SGPL1: variants seen among roughly 807,000 people sequenced by gnomAD.
SGPL1 encodes the protein sphingosine-1-phosphate lyase 1, also known as SP-lyase 1.
Under a neutral mutation model 68.9 loss-of-function variants are expected in SGPL1, and 37 were observed. The observed-to-expected ratio is 0.54, with a 90% CI of 0.41 to 0.71. The LOEUF (loss-of-function observed/expected upper bound fraction) is 0.71. SGPL1 is among the 30% of genes least tolerant of loss of function. SGPL1 has a pLI of 0.00. For synonymous variants in SGPL1, 236 were observed against 248.5 expected, an observed-to-expected ratio of 0.95 and a Z score of 0.47; for missense variants, 551 against 704.6, an observed-to-expected ratio of 0.78 and a Z score of 2.47.
intron 2 of SGPL1, among the ~76,000 whole-genome samples, chr10:70,824,890 AAC>A (rs1433013889): frequency 6.6e-6 from 1 of 152,130 alleles, no homozygotes; most frequent in Non-Finnish European, 1.5e-5. Flanking sequence ...AAGAGTCTAA[AAC>A]ACAATACATT....
intron 2 of SGPL1, among the ~76,000 whole-genome samples, chr10:70,834,446 A>G (rs1187689545): frequency 6.6e-6 from 1 of 152,172 alleles, no homozygotes; most frequent in African/African-American, 2.4e-5. Flanking sequence ...ATGAGATTGG[A>G]CTATAGGTGG....
At position 70,863,141 on chromosome 10, in the gene SGPL1, C is replaced by G. The variant is rs545059332; in HGVS notation, c.615+3642C>G. Among the ~76,000 whole-genome samples, 245 of 152,174 alleles carry G rather than the reference C, an allele frequency of 1.6e-3. No homozygotes were observed. The Middle Eastern group carries it at 0.027, about 17-fold the overall frequency. ...AGCTGGGACTACAGGCATGCACCAC[C>G]ATGCCTCGCTAATTTTTGTATTTTT... On this transcript the variant is annotated intron_variant, in intron 7 of 14. Coordinates refer to ENST00000373202, the MANE Select transcript of SGPL1 (RefSeq NM_003901.4).
chr10:70,821,821 T>C (rs751151630), intron 2 of SGPL1, among the ~76,000 whole-genome samples: 9 of 152,202 alleles, frequency 5.9e-5, no homozygotes, highest in East Asian at 3.9e-4. Flanking sequence ...GTGTCTGTTA[T>C]TGTCTCACTT....
At chr10:70,857,250 T>C (rs2131908443) in intron 5 of SGPL1, 1 of 223,856 alleles carries the variant, frequency 4.5e-6, no homozygotes, top group Middle Eastern at 2.0e-3. Context: ...AAGGAAGCTA[T>C]TGCAGAAAAA....
intron 2 of SGPL1, among the ~76,000 whole-genome samples, chr10:70,825,558 G>A (rs1845418418): frequency 6.6e-6 from 1 of 152,220 alleles, no homozygotes; most frequent in African/African-American, 2.4e-5. Flanking sequence ...TAACAGGATA[G>A]ATTCAGAGGC....
intron 2 of SGPL1, among the ~76,000 whole-genome samples, chr10:70,842,237 A>G (rs1388878988): frequency 6.6e-6 from 1 of 152,180 alleles, no homozygotes; most frequent in African/African-American, 2.4e-5. Flanking sequence ...ATCCTTGAAC[A>G]TGTTTATTTG....
intron 2 of SGPL1, among the ~76,000 whole-genome samples, chr10:70,841,958 G>C (rs1157298284): frequency 6.6e-6 from 1 of 151,930 alleles, no homozygotes; most frequent in Non-Finnish European, 1.5e-5. Context: ...AATTTTGAAT[G>C]ATCTATACCC....
intron 2 of SGPL1, among the ~76,000 whole-genome samples, chr10:70,831,516 A>G (rs2131862260): frequency 6.6e-6 from 1 of 152,268 alleles, no homozygotes; most frequent in East Asian, 1.9e-4. Context: ...AGCTCACAGA[A>G]CTCAGGGAAA....
At chr10:70,861,672 G>A (rs1381108087) in intron 7 of SGPL1, among the ~76,000 whole-genome samples, 1 of 152,222 alleles carries the variant, frequency 6.6e-6, no homozygotes, top group Non-Finnish European at 1.5e-5. Context: ...CCAGGGCTGC[G>A]CGCAGCGCTT....
At chr10:70,856,531 A>G (rs1282133180) in intron 5 of SGPL1, among the ~76,000 whole-genome samples, 4 of 152,204 alleles carry the variant, frequency 2.6e-5, no homozygotes, top group Admixed American at 2.6e-4. Context: ...AAGAACAGGA[A>G]ATGAAACCAG....
At chr10:70,836,922 A>T (rs1486418138) in intron 2 of SGPL1, among the ~76,000 whole-genome samples, 1 of 152,090 alleles carries the variant, frequency 6.6e-6, no homozygotes, top group Non-Finnish European at 1.5e-5. Context: ...TAGCCTCATG[A>T]GGTTATAAAA....
intron 3 of SGPL1, among the ~76,000 whole-genome samples, chr10:70,848,943 C>T (rs1564624163): frequency 6.6e-6 from 1 of 152,142 alleles, no homozygotes; most frequent in Non-Finnish European, 1.5e-5. Context: ...ACTCTCAATC[C>T]CACTAAAAAA....
intron 7 of SGPL1, among the ~76,000 whole-genome samples, chr10:70,863,552 A>C (rs1846122658): frequency 6.6e-6 from 1 of 151,916 alleles, no homozygotes; most frequent in Non-Finnish European, 1.5e-5. Context: ...TGAGGCCTAG[A>C]TTGAAGTTAA....
chr10:70,880,239 A>C lies in SGPL1; in HGVS notation c.*2904A>C, dbSNP rs1447857535. Reference sequence around the variant, plus strand: ...GGTGGTGAAACAATCGTGTGTGCCCACTGATACCAAGACCAATGAAAGAGA... The same window carrying C: ...GGTGGTGAAACAATCGTGTGTGCCCCCTGATACCAAGACCAATGAAAGAGA... On this transcript the variant is annotated 3_prime_UTR_variant, in exon 15 of 15. Transcript: ENST00000373202. The C allele has an allele frequency of 1.3e-5, 2 of 152,290 alleles. No homozygotes were observed. Among genetic ancestry groups the C allele is most frequent in the African/African-American group, 2.4e-5 (1 of 41,440 alleles). The allele number at this position is 152,290 out of a possible 1,614,324, so 9.4% of individuals were successfully genotyped here.
chr10:70,835,419 A>G (rs1845609278), intron 2 of SGPL1, among the ~76,000 whole-genome samples: 1 of 152,178 alleles, frequency 6.6e-6, no homozygotes, highest in Admixed American at 6.5e-5. Context: ...GAGTTGAGGC[A>G]CACTGGAAAC....
Position 70,816,831 on chromosome 10 carries a change from G to T in SGPL1, c.-23G>T, listed in dbSNP as rs950647093. The T allele has an allele frequency of 6.2e-7, 1 of 1,613,408 alleles. No homozygotes were observed. The highest frequency in any genetic ancestry group is 1.7e-5 in the Admixed American group (1 of 60,002). Reference sequence around the variant, plus strand: ...TACAGAGTCTGAAAAAGGGGAGCGCGGAGAGGAGGCTGGAAGAGGAAGATG... The same window carrying T: ...TACAGAGTCTGAAAAAGGGGAGCGCTGAGAGGAGGCTGGAAGAGGAAGATG... On this transcript the variant is annotated 5_prime_UTR_variant, in exon 2 of 15. Coordinates refer to ENST00000373202, the MANE Select transcript of SGPL1 (RefSeq NM_003901.4).
chr10:70,854,674 C>A (rs1335539062), intron 4 of SGPL1, 34 bp from the exon 5 acceptor site: 1 of 1,587,156 alleles, frequency 6.3e-7, no homozygotes, highest in Admixed American at 1.7e-5. Context: ...TGTACTCTTG[C>A]ATCTGGATAA....
intron 9 of SGPL1, 96 bp downstream of exon 9, chr10:70,869,993 GCCTTT>G: frequency 1.1e-6 from 1 of 889,916 alleles, no homozygotes. Context: ...GGGTCTGACT[GCCTTT>G]GATTGTGGCA....
chr10:70,816,966 C>T (rs1326903419), intron 2 of SGPL1, 86 bp downstream of exon 2: 22 of 1,245,378 alleles, frequency 1.8e-5, no homozygotes, highest in Non-Finnish European at 2.1e-5. Context: ...TAGATTTCAC[C>T]TCTGATGCTT....
Sources: gnomAD v4.1 joint callset for allele counts (sites outside exome capture counted in the v4.1 genomes callset) on GRCh38, gnomAD v4.1.1 for gene constraint, MANE v1.5 for transcripts, NCBI Gene and HGNC (gene_info 2026-07-23, HGNC 2026-07-21) for gene names.